CLPX: variants seen among roughly 807,000 people sequenced by gnomAD.
CLPX encodes the protein ATP-dependent clpX-like chaperone, mitochondrial.
Under a neutral mutation model 76.4 loss-of-function variants are expected in CLPX, and 34 were observed. The observed-to-expected ratio is 0.45, with a 90% CI of 0.34 to 0.59. The LOEUF is 0.59. CLPX is among the 20% of genes least tolerant of loss of function. CLPX has a pLI of 0.01. For missense variants in CLPX, 613 were observed against 757.0 expected, an observed-to-expected ratio of 0.81 and a Z score of 2.23; for synonymous variants, 248 against 270.9, an observed-to-expected ratio of 0.92 and a Z score of 0.83.
intron 13 of CLPX, 143 bp from the exon 14 acceptor site, chr15:65,151,056 C>A: frequency 1.7e-6 from 1 of 571,676 alleles, no homozygotes; most frequent in Non-Finnish European, 3.1e-6. Context: ...AATATTAAGA[C>A]GGCTTAGGCC....
chr15:65,170,822 CTTTTTTTTTT>C (rs749248279), intron 3 of CLPX, among the ~76,000 whole-genome samples: 2 of 118,578 alleles, frequency 1.7e-5, no homozygotes, highest in African/African-American at 3.1e-5. Context: ...TTCTGTTCTT[CTTTTTTTTTT>C]TTTTTTTTGA....
intron 8 of CLPX, among the ~76,000 whole-genome samples, chr15:65,157,148 A>G (rs1171711619): frequency 6.6e-6 from 1 of 152,222 alleles, no homozygotes; most frequent in Admixed American, 6.5e-5. Flanking sequence ...ACATTTACGT[A>G]TGGTAACAAA....
rs71136319 is a variant in CLPX, at chr15:65,168,383, C to CAAA, written c.359-1601_359-1599dup. Among the ~76,000 whole-genome samples, 28 of 35,658 alleles carry CAAA rather than the reference C, an allele frequency of 7.9e-4. 2 individuals are homozygous for CAAA. The highest frequency in any genetic ancestry group is 3.0e-3 in the African/African-American group (24 of 7,914). The allele number at this position is 35,658 out of a possible 152,430, so 23.4% of individuals were successfully genotyped here. ...TGGGCGACAAAGTGAGACTCTGTCT[C>CAAA]AAAAAAAAAAAAAAAAAAAAAAAAA... On this transcript the variant is annotated intron_variant, in intron 3 of 13. Coordinates refer to ENST00000300107, the MANE Select transcript of CLPX (RefSeq NM_006660.5).
chr15:65,151,002 T>C, intron 13 of CLPX, 89 bp from the exon 14 acceptor site: 1 of 850,574 alleles, frequency 1.2e-6, no homozygotes, highest in Middle Eastern at 2.7e-4. Context: ...TAACCTCTCC[T>C]AGCTAAGAAA....
At chr15:65,166,906 A>G (rs976198273) in intron 3 of CLPX, 121 bp from the exon 4 acceptor site, 63 of 911,978 alleles carry the variant, frequency 6.9e-5, no homozygotes, top group Non-Finnish European at 9.7e-5. Context: ...TTGCTGTTCA[A>G]TCTACTTGCC....
chr15:65,150,897 A>C lies in CLPX; in HGVS notation c.1828T>G (p.Ser610Ala). ...PGYIRAPTKE[S>A]SEEEYDSGVE... ...CCAGAGTCATACTCCTCTTCAGAGGATTCTTTTGTTGGAGCCCTACAATGA... is the reference window on the plus strand; with the variant it reads ...CCAGAGTCATACTCCTCTTCAGAGGCTTCTTTTGTTGGAGCCCTACAATGA... The change falls in exon 14 of 14, where the codon TCC becomes GCC. Residue 610 changes from serine to alanine, a missense_variant. Coordinates refer to ENST00000300107, the MANE Select transcript of CLPX (RefSeq NM_006660.5). 1 of 1,608,254 alleles carries C rather than the reference A, an allele frequency of 6.2e-7. No homozygotes were observed. Among genetic ancestry groups the C allele is most frequent in the Non-Finnish European group, 8.5e-7 (1 of 1,177,332 alleles).
intron 12 of CLPX, among the ~76,000 whole-genome samples, chr15:65,152,898 C>CT (rs1056417455): frequency 3.0e-4 from 45 of 149,368 alleles, no homozygotes; most frequent in Admixed American, 4.0e-4. Flanking sequence ...TGCCCAGCCT[C>CT]TTTTTTTTTG....
chr15:65,154,981 T>C lies in CLPX; in HGVS notation c.1412A>G (p.Asp471Gly). 1.9e-6 allele frequency: 3 copies of C among 1,614,170 alleles called. No individual in the cohort carries two copies. The highest frequency in any genetic ancestry group is 2.5e-6 in the Non-Finnish European group (3 of 1,180,014). The change falls in exon 11 of 14, where the codon GAC becomes GGC. Residue 471 changes from aspartate (D) to glycine (G), a missense_variant. By Grantham distance (94) the Asp-to-Gly change is moderately conservative. Coordinates refer to ENST00000300107, the MANE Select transcript of CLPX (RefSeq NM_006660.5). ...CAATAACCGATCTTTTTCTTCAATGTCTTGGTGAGTATTCGATTCCCCACT... is the reference window on the plus strand; with the variant it reads ...CAATAACCGATCTTTTTCTTCAATGCCTTGGTGAGTATTCGATTCCCCACT... ...NRSGESNTHQ[D>G]IEEKDRLLRH...
At chr15:65,167,963 C>A (rs1292788718) in intron 3 of CLPX, among the ~76,000 whole-genome samples, 1 of 151,826 alleles carries the variant, frequency 6.6e-6, no homozygotes, top group Admixed American at 6.6e-5. Context: ...TTTCTCTGAT[C>A]AAAAAACCAC....
intron 5 of CLPX, 106 bp from the exon 6 acceptor site, chr15:65,162,751 T>C (rs113354543): frequency 0.017 from 10,826 of 653,630 alleles, 176 homozygotes; most frequent in African/African-American, 0.045. Context: ...GATTTGTTCA[T>C]TAACATTTTT....
chr15:65,180,043 C>T lies in CLPX; in HGVS notation c.240+1G>A. On this transcript the variant is annotated splice_donor_variant, in intron 2 of 13. Transcript: ENST00000300107. LOFTEE classifies it high-confidence loss of function. ...AGATGCCAATAAGATAAAATAATTA[C>T]CTTATTTCCATCTCCAGAACCATCT... 6.3e-7 allele frequency: 1 copy of T among 1,594,398 alleles called. No individual in the cohort carries two copies. The highest frequency in any genetic ancestry group is 8.5e-7 in the Non-Finnish European group (1 of 1,169,618).
chr15:65,166,831 C>G, intron 3 of CLPX, 46 bp from the exon 4 acceptor site: 10 of 1,570,186 alleles, frequency 6.4e-6, no homozygotes, highest in Non-Finnish European at 8.6e-6. Flanking sequence ...AAAAATAATT[C>G]CAATAGTGTT....
At chr15:65,170,307 A>G (rs1205389854) in intron 3 of CLPX, among the ~76,000 whole-genome samples, 1 of 152,028 alleles carries the variant, frequency 6.6e-6, no homozygotes, top group Admixed American at 6.6e-5. Context: ...AACTAGAAAG[A>G]GAGAACTGCA....
At chr15:65,165,506 C>G (rs2087900047) in intron 4 of CLPX, among the ~76,000 whole-genome samples, 1 of 151,530 alleles carries the variant, frequency 6.6e-6, no homozygotes, top group South Asian at 2.1e-4. Context: ...GCCTCAGCCT[C>G]CCGAGTAGCC....
At position 65,155,869 on chromosome 15, in the gene CLPX, C is replaced by A. The variant is rs755804901; in HGVS notation, c.1147-13G>T. On this transcript the variant is annotated splice_polypyrimidine_tract_variant and intron_variant, in intron 9 of 13. Coordinates refer to ENST00000300107, the MANE Select transcript of CLPX (RefSeq NM_006660.5). ...GTTTTAATAAGCCCTAAATAAAGAA[C>A]AAATGATTTATAGCATCACCATATA... 1.7e-5 allele frequency: 27 copies of A among 1,599,392 alleles called. No individual in the cohort carries two copies. Among genetic ancestry groups the A allele is most frequent in the Non-Finnish European group, 2.2e-5 (26 of 1,168,386 alleles).
intron 1 of CLPX, among the ~76,000 whole-genome samples, chr15:65,180,881 G>A (rs1291773865): frequency 6.7e-6 from 1 of 150,368 alleles, no homozygotes; most frequent in Non-Finnish European, 1.5e-5. Context: ...TCCAGCCTGG[G>A]TGACATAGCG....
In CLPX at chr15:65,179,030, T is replaced by C. The variant is rs2088127315; in HGVS notation, c.262A>G (p.Ser88Gly). The change falls in exon 3 of 14, where the codon AGT (serine) becomes GGT (glycine). Residue 88 changes from serine (S) to glycine (G), a missense_variant. Transcript: ENST00000300107. ...GAATTCCCAGAGCCTGATTTCTTAC[T>C]ACTTCCCTCACTTGCTGATTTCTAA... ...GNKKSASEGS[S>G]KKSGSGNSGK... 2 of 1,610,414 alleles carry C rather than the reference T, an allele frequency of 1.2e-6. No individual in the cohort carries two copies. The highest frequency in any genetic ancestry group is 1.7e-6 in the Non-Finnish European group (2 of 1,177,310).
chr15:65,151,486 A>G (rs1415827564), intron 13 of CLPX, among the ~76,000 whole-genome samples: 2 of 150,648 alleles, frequency 1.3e-5, no homozygotes, highest in Non-Finnish European at 3.0e-5. Flanking sequence ...AAAAAGGACA[A>G]TATGGCTTCA....
Position 65,150,713 on chromosome 15 carries a change from T to C in CLPX, c.*110A>G, listed in dbSNP as rs759503919. On this transcript the variant is annotated 3_prime_UTR_variant, in exon 14 of 14. Transcript: ENST00000300107. Reference sequence around the variant, plus strand: ...CTTCTCCTAAAGGCTTCTCTGACCATGTATGATATCCAAGATAGATCCAAT... The same window carrying C: ...CTTCTCCTAAAGGCTTCTCTGACCACGTATGATATCCAAGATAGATCCAAT... 36 of 605,070 alleles carry C rather than the reference T, an allele frequency of 5.9e-5. No homozygotes were observed. Among genetic ancestry groups the C allele is most frequent in the Non-Finnish European group, 9.9e-5 (35 of 355,178 alleles). 37.5% of individuals were successfully genotyped at this position (605,070 alleles called of 1,614,324 possible).
Sources: allele counts gnomAD v4.1 joint callset (sites outside exome capture counted in the v4.1 genomes callset), GRCh38; gene constraint gnomAD v4.1.1; transcripts MANE v1.5; gene names NCBI Gene and HGNC (gene_info 2026-07-23, HGNC 2026-07-21).